Variants in PTPRD observed in about 807,000 individuals in gnomAD.
The protein encoded by PTPRD is receptor-type tyrosine-protein phosphatase delta.
PTPRD carries 34 observed loss-of-function variants against 214.5 expected under a neutral mutation model. The ratio of observed to expected loss-of-function variants is 0.16; its 90% CI spans 0.12 to 0.21. The LOEUF (loss-of-function observed/expected upper bound fraction) is 0.21. Among genes scored for constraint, PTPRD ranks in the 10% least tolerant of loss-of-function variants. The pLI is 1.00. For synonymous variants in PTPRD, 1,128 were observed against 845.7 expected (o/e 1.33, Z -5.79); for missense variants, 2,545 against 2,398.7 (o/e 1.06, Z -1.27).
intron 2 of PTPRD, among the ~76,000 whole-genome samples, chr9:10,481,570 C>A (rs1046872219): frequency 5.3e-5 from 8 of 151,984 alleles, no homozygotes; most frequent in South Asian, 2.1e-4. Context: ...CTCTTAGCCT[C>A]ATGAGAAAGA....
At chr9:9,972,841 TTCTTA>T (rs778079686) in intron 4 of PTPRD, among the ~76,000 whole-genome samples, 1 of 152,166 alleles carries the variant, frequency 6.6e-6, no homozygotes, top group Non-Finnish European at 1.5e-5. Context: ...CTCTGCCTCT[TTCTTA>T]TAAGGAGCCT....
intron 3 of PTPRD, among the ~76,000 whole-genome samples, chr9:10,140,337 T>A (rs1391003144): frequency 6.9e-6 from 1 of 145,306 alleles, no homozygotes; most frequent in Admixed American, 6.9e-5. Flanking sequence ...TAAAAAAAAA[T>A]TGATAGACCG....
At chr9:9,791,071 A>C (rs190815478) in intron 5 of PTPRD, among the ~76,000 whole-genome samples, 1 of 152,294 alleles carries the variant, frequency 6.6e-6, no homozygotes, top group East Asian at 1.9e-4. Context: ...ATTTTCCTTA[A>C]AATTTCTACT....
chr9:9,505,780 C>A (rs1199944386), intron 8 of PTPRD, among the ~76,000 whole-genome samples: 2 of 151,344 alleles, frequency 1.3e-5, no homozygotes, highest in African/African-American at 4.8e-5. Flanking sequence ...CAGTGATAAA[C>A]CTTTTAAATT....
intron 39 of PTPRD, among the ~76,000 whole-genome samples, chr9:8,342,247 C>T (rs1163497750): frequency 6.6e-6 from 1 of 151,802 alleles, no homozygotes; most frequent in African/African-American, 2.4e-5. Flanking sequence ...CTTGATCATG[C>T]AATACAAAGT....
chr9:10,298,848 G>T (rs558102757), intron 3 of PTPRD, among the ~76,000 whole-genome samples: 9 of 152,042 alleles, frequency 5.9e-5, no homozygotes, highest in African/African-American at 2.2e-4. Context: ...GTATATTTAA[G>T]CACTGAAAAT....
intron 9 of PTPRD, among the ~76,000 whole-genome samples, chr9:9,359,807 G>T (rs1038216547): frequency 6.6e-6 from 1 of 151,176 alleles, no homozygotes; most frequent in Non-Finnish European, 1.5e-5. Flanking sequence ...TATTCAGCAG[G>T]TGTACGGAGT....
At chr9:9,068,692 G>A (rs478501) in intron 10 of PTPRD, among the ~76,000 whole-genome samples, 25,195 of 151,944 alleles carry the variant, frequency 0.17, 2,357 homozygotes, top group East Asian at 0.31. Flanking sequence ...GCTCACTGCA[G>A]TCTCCGTCTC....
At chr9:9,238,004 C>T (rs2099968024) in intron 9 of PTPRD, among the ~76,000 whole-genome samples, 2 of 152,076 alleles carry the variant, frequency 1.3e-5, no homozygotes, top group South Asian at 4.1e-4. Context: ...TTGATATGTT[C>T]CCCTTCAAGT....
intron 14 of PTPRD, among the ~76,000 whole-genome samples, chr9:8,576,763 C>T (rs899857032): frequency 2.0e-5 from 3 of 152,084 alleles, no homozygotes; most frequent in African/African-American, 7.2e-5. Flanking sequence ...CAAACCTTCA[C>T]AGATATGTTC....
intron 7 of PTPRD, among the ~76,000 whole-genome samples, chr9:9,633,540 T>G (rs1407598494): frequency 2.6e-5 from 4 of 152,184 alleles, no homozygotes; most frequent in African/African-American, 9.7e-5. Flanking sequence ...CAGATATTAT[T>G]TCTTTATAGC....
At chr9:9,935,334 G>C (rs7044763) in intron 5 of PTPRD, among the ~76,000 whole-genome samples, 59,099 of 151,368 alleles carry the variant, frequency 0.39, 12,803 homozygotes, top group African/African-American at 0.59. Context: ...CCCCATCATC[G>C]TCTCAGCCCA....
intron 10 of PTPRD, among the ~76,000 whole-genome samples, chr9:9,084,165 A>G (rs959031335): frequency 6.6e-6 from 1 of 152,224 alleles, no homozygotes; most frequent in African/African-American, 2.4e-5. Context: ...ATGCCCATCA[A>G]TGATAGACTG....
intron 10 of PTPRD, among the ~76,000 whole-genome samples, chr9:9,061,311 A>G (rs1003604695): frequency 6.6e-6 from 1 of 152,228 alleles, no homozygotes; most frequent in Non-Finnish European, 1.5e-5. Flanking sequence ...CATTCATAAT[A>G]CAATACATTT....
rs564478485 is a variant in PTPRD, at chr9:8,754,766, A to T, written c.-103-20820T>A. ...ATTTAAAATGTCTGTTCATCCAAAG[A>T]TATTATCAAGAAAGGGCAATCTACA... On this transcript the variant is annotated intron_variant, in intron 11 of 45. Transcript: ENST00000381196. Among the ~76,000 whole-genome samples, 27 of 152,302 alleles carry T rather than the reference A, an allele frequency of 1.8e-4. No individual in the cohort carries two copies. In the South Asian group the frequency reaches 5.4e-3, roughly 30 times the overall value.
chr9:9,828,676 C>T (rs1300370493), intron 5 of PTPRD, among the ~76,000 whole-genome samples: 3 of 151,174 alleles, frequency 2.0e-5, no homozygotes, highest in African/African-American at 7.3e-5. Flanking sequence ...TGCTAATTTA[C>T]TTCCTAATGA....
At position 8,669,653 on chromosome 9, in the gene PTPRD, C is replaced by G. The variant is rs913834351; in HGVS notation, c.65-32809G>C. ...TGGAAGTTTCAAAGAGAGACAAGGA[C>G]CTTTTAGGATACAGTAAATTAGAAG... On this transcript the variant is annotated intron_variant, in intron 12 of 45. Transcript: ENST00000381196. Among the ~76,000 whole-genome samples the G allele has an allele frequency of 3.9e-5, 6 of 152,214 alleles. No individual in the cohort carries two copies. In the South Asian group the frequency reaches 1.2e-3, roughly 32 times the overall value.
chr9:8,704,298 G>C (rs1364430889), intron 12 of PTPRD, among the ~76,000 whole-genome samples: 1 of 152,052 alleles, frequency 6.6e-6, no homozygotes, highest in African/African-American at 2.4e-5. Flanking sequence ...AGCCGAATTG[G>C]TTTCCTCTCA....
At chr9:10,337,154 T>C (rs1326841263) in intron 3 of PTPRD, among the ~76,000 whole-genome samples, 1 of 151,798 alleles carries the variant, frequency 6.6e-6, no homozygotes, top group Non-Finnish European at 1.5e-5. Context: ...TGGCCCAATT[T>C]TGGTTTATTA....
Sources: gnomAD v4.1 joint callset for allele counts (sites outside exome capture counted in the v4.1 genomes callset) on GRCh38, gnomAD v4.1.1 for gene constraint, MANE v1.5 for transcripts, NCBI Gene and HGNC (gene_info 2026-07-23, HGNC 2026-07-21) for gene names.